DCAF8L2: variants seen among roughly 807,000 people sequenced by gnomAD.
The protein encoded by DCAF8L2 is DDB1- and CUL4-associated factor 8-like protein 2.
For synonymous variants in DCAF8L2, 200 were observed against 190.9 expected (o/e 1.05, Z -0.39); for missense variants, 430 against 490.7 (o/e 0.88, Z 1.17).
chrX:27,707,298 T>G (rs781737556), intron 3 of DCAF8L2, among the ~76,000 whole-genome samples: 1 of 112,145 alleles, frequency 8.9e-6, no homozygotes, highest in Non-Finnish European at 1.9e-5. Context: ...AATCATCCTG[T>G]TTAAAAATAA....
the DCAF8L2 span, among the ~76,000 whole-genome samples, chrX:27,583,941 C>T: frequency 9.0e-6 from 1 of 111,289 alleles, no homozygotes; most frequent in South Asian, 3.7e-4. Flanking sequence ...TATTTTGTCC[C>T]TGTATGTTAA....
At chrX:27,701,741 G>A (rs1327855139) in intron 3 of DCAF8L2, among the ~76,000 whole-genome samples, 1 of 110,893 alleles carries the variant, frequency 9.0e-6, no homozygotes, top group South Asian at 3.7e-4. Context: ...TAGCTGCAAT[G>A]CCTTTATTAA....
At chrX:27,740,109 C>T (rs1921764517) in intron 4 of DCAF8L2, among the ~76,000 whole-genome samples, 1 of 111,255 alleles carries the variant, frequency 9.0e-6, no homozygotes, top group Non-Finnish European at 1.9e-5. Context: ...CAATGATGTC[C>T]GTATGCTTAC....
At chrX:27,532,464 A>G in the DCAF8L2 span, among the ~76,000 whole-genome samples, 2 of 111,918 alleles carry the variant, frequency 1.8e-5, no homozygotes, top group African/African-American at 6.5e-5. Context: ...GAGTCCTATT[A>G]ATGGAAGAGT....
the DCAF8L2 span, among the ~76,000 whole-genome samples, chrX:27,513,226 T>C: frequency 1.8e-5 from 2 of 111,900 alleles, no homozygotes; most frequent in Non-Finnish European, 3.8e-5. Context: ...AGGCACCTAA[T>C]GCAAAAATAG....
the DCAF8L2 span, among the ~76,000 whole-genome samples, chrX:27,558,613 TTTA>T: frequency 2.7e-5 from 3 of 110,903 alleles, no homozygotes; most frequent in Non-Finnish European, 5.7e-5. Context: ...AAATTTTTTA[TTTA>T]TTATTATTAT....
At chrX:27,708,663 G>A (rs1931420895) in intron 3 of DCAF8L2, among the ~76,000 whole-genome samples, 2 of 112,235 alleles carry the variant, frequency 1.8e-5, no homozygotes, top group Admixed American at 1.9e-4. Context: ...AGTCTACATA[G>A]ACTGATATTT....
At position 27,696,877 on chromosome X, in the gene DCAF8L2, C is replaced by T. The variant is rs1402334230; in HGVS notation, c.-143+18965C>T. On this transcript the variant is annotated intron_variant, in intron 3 of 4. Coordinates refer to ENST00000451261, the MANE Select transcript of DCAF8L2 (RefSeq NM_001353450.2). The stretch of plus-strand genomic sequence containing the variant: ...GACACTTAGAGGGAAGTTGGAAAAC[C>T]GTGTGTCCTTTAAAGCAGCAGATTT... Among the ~76,000 whole-genome samples the T allele has an allele frequency of 1.8e-5, 2 of 111,065 alleles. 1 individual carries two copies. The highest frequency in any genetic ancestry group is 6.6e-5 in the African/African-American group (2 of 30,280).
At chrX:27,533,200 A>AAG in the DCAF8L2 span, among the ~76,000 whole-genome samples, 1 of 31,809 alleles carries the variant, frequency 3.1e-5, no homozygotes. Flanking sequence ...GAAAGAAAGA[A>AAG]AGAAAGAAAG....
At chrX:27,538,707 A>G in the DCAF8L2 span, among the ~76,000 whole-genome samples, 5 of 110,805 alleles carry the variant, frequency 4.5e-5, no homozygotes, top group African/African-American at 1.6e-4. Context: ...TTTATTTTTT[A>G]CTCATGCTAT....
rs899856173 is a variant in DCAF8L2, at chrX:27,643,115, A to C, written c.-220+11115A>C. 2.7e-5 allele frequency among the ~76,000 whole-genome samples: 3 copies of C among 112,121 alleles called. No individual in the cohort carries two copies. In the Admixed American group the frequency reaches 2.9e-4, roughly 11 times the overall value. ...CAACTAGTAGTGAGATTGCTGGATC[A>C]TATGGTAGTTTGATTTTTAATTTTT... On this transcript the variant is annotated intron_variant, in intron 2 of 4. Transcript: ENST00000451261.
chrX:27,649,048 G>A (rs778379777), intron 2 of DCAF8L2, among the ~76,000 whole-genome samples: 1 of 111,929 alleles, frequency 8.9e-6, no homozygotes, highest in Non-Finnish European at 1.9e-5. Context: ...GTGAGAATAT[G>A]TGATATTTGG....
the DCAF8L2 span, among the ~76,000 whole-genome samples, chrX:27,492,728 G>A: frequency 5.4e-5 from 6 of 111,296 alleles, no homozygotes; most frequent in East Asian, 8.6e-4. Flanking sequence ...TGATCCACCC[G>A]CCTCAGCCTC....
intron 3 of DCAF8L2, among the ~76,000 whole-genome samples, chrX:27,694,112 G>A (rs1480494344): frequency 9.0e-6 from 1 of 111,696 alleles, no homozygotes; most frequent in African/African-American, 3.3e-5. Context: ...TGTAGGAACA[G>A]AAAACCAAAT....
the DCAF8L2 span, among the ~76,000 whole-genome samples, chrX:27,555,767 T>C: frequency 9.0e-6 from 1 of 111,374 alleles, no homozygotes; most frequent in Non-Finnish European, 1.9e-5. Flanking sequence ...TGGTGAGAGG[T>C]GTGAGTTTGG....
upstream of DCAF8L2, among the ~76,000 whole-genome samples, chrX:27,586,156 C>T (rs1180454827): frequency 9.0e-6 from 1 of 110,601 alleles, no homozygotes; most frequent in Non-Finnish European, 1.9e-5. Flanking sequence ...CTCCTTTTAT[C>T]TTATTTCACC....
intron 3 of DCAF8L2, among the ~76,000 whole-genome samples, chrX:27,704,943 T>C (rs998258913): frequency 3.6e-5 from 4 of 111,029 alleles, no homozygotes; most frequent in African/African-American, 9.8e-5. Context: ...ATAAGAATTC[T>C]TTCTGATCCT....
intron 3 of DCAF8L2, among the ~76,000 whole-genome samples, chrX:27,701,071 C>G (rs184605183): frequency 5.1e-3 from 565 of 111,011 alleles, no homozygotes; most frequent in African/African-American, 0.018. Context: ...ATTCAGGAGG[C>G]TTCTTCATGA....
At chrX:27,715,268 G>A (rs1931657221) in intron 3 of DCAF8L2, among the ~76,000 whole-genome samples, 1 of 108,157 alleles carries the variant, frequency 9.2e-6, no homozygotes, top group African/African-American at 3.4e-5. Context: ...GCAGGAGGCT[G>A]AGGCAGGAGA....
Sources: gnomAD v4.1 joint callset for allele counts (sites outside exome capture counted in the v4.1 genomes callset) on GRCh38, gnomAD v4.1.1 for gene constraint, MANE v1.5 for transcripts, NCBI Gene and HGNC (gene_info 2026-07-23, HGNC 2026-07-21) for gene names.